The following MOB1B variants were observed in gnomAD, a reference collection of about 807,000 sequenced individuals.
The protein encoded by MOB1B is MOB1 Mps One Binder homolog B.
In MOB1B, 19 loss-of-function variants were observed where a neutral mutation model predicts 24.4. The observed-to-expected ratio is 0.78, with a 90% confidence interval of 0.54 to 1.14. The LOEUF is 1.14. Ranked by LOEUF, MOB1B falls within the 50% of genes most tolerant of loss-of-function variation. The pLI, the probability that MOB1B is intolerant of heterozygous loss-of-function variation, is 0.00. For synonymous variants in MOB1B, 76 were observed against 82.1 expected (o/e 0.93, Z 0.40); for missense variants, 243 against 259.6 (o/e 0.94, Z 0.44).
intron 1 of MOB1B, among the ~76,000 whole-genome samples, chr4:70,926,045 T>C (rs1308445665): frequency 6.6e-6 from 1 of 152,150 alleles, no homozygotes; most frequent in African/African-American, 2.4e-5. Flanking sequence ...TGGAATGCAG[T>C]GGTATCTTCT....
intron 1 of MOB1B, among the ~76,000 whole-genome samples, chr4:70,913,918 C>CT (rs59264552): frequency 0.8 from 118,084 of 147,502 alleles, 50,388 homozygotes; most frequent in Non-Finnish European, 0.95. Flanking sequence ...GGAATTTACT[C>CT]TTTTTTTTTT....
intron 1 of MOB1B, among the ~76,000 whole-genome samples, chr4:70,955,294 A>G (rs1031858441): frequency 1.3e-5 from 2 of 152,158 alleles, no homozygotes; most frequent in South Asian, 4.2e-4. Flanking sequence ...TGCTTGTCAC[A>G]TCTTCAGTTG....
intron 2 of MOB1B, among the ~76,000 whole-genome samples, chr4:70,959,787 T>C (rs1738225982): frequency 6.6e-6 from 1 of 152,234 alleles, no homozygotes; most frequent in Non-Finnish European, 1.5e-5. Flanking sequence ...GGATCAAATA[T>C]ACAGCTATAG....
intron 1 of MOB1B, among the ~76,000 whole-genome samples, chr4:70,916,643 C>T (rs2148870460): frequency 6.6e-6 from 1 of 152,250 alleles, no homozygotes; most frequent in South Asian, 2.1e-4. Flanking sequence ...TCTTAGCTCA[C>T]TGCAACCTCT....
intron 1 of MOB1B, among the ~76,000 whole-genome samples, chr4:70,917,098 A>G (rs1736225977): frequency 1.3e-5 from 2 of 152,156 alleles, no homozygotes; most frequent in African/African-American, 4.8e-5. Flanking sequence ...AAAAGGACCT[A>G]ACAAATGATG....
chr4:70,915,798 T>G (rs1202673316), intron 1 of MOB1B, among the ~76,000 whole-genome samples: 2 of 151,884 alleles, frequency 1.3e-5, no homozygotes, highest in African/African-American at 4.8e-5. Flanking sequence ...CTATTGGGGA[T>G]CGTGGAACTG....
intron 1 of MOB1B, among the ~76,000 whole-genome samples, chr4:70,907,011 G>A (rs1560625288): frequency 6.6e-6 from 1 of 152,166 alleles, no homozygotes; most frequent in East Asian, 1.9e-4. Context: ...GATAATTAAT[G>A]GAAGGTGAAC....
chr4:70,981,976 A>G lies in MOB1B; in HGVS notation c.574-4A>G, dbSNP rs756841356. The G allele has an allele frequency of 4.4e-6, 7 of 1,590,446 alleles. No homozygotes were observed. Among genetic ancestry groups the G allele is most frequent in the South Asian group, 2.2e-5 (2 of 90,290 alleles). ...TATTCTGCCTTTCTTTATATCATGC[A>G]TAGGAATTCAACCTTATTGATAGAA... On this transcript the variant is annotated splice_region_variant and splice_polypyrimidine_tract_variant and intron_variant, in intron 5 of 5. Transcript: ENST00000309395.
At chr4:70,967,423 C>T (rs547185241) in intron 2 of MOB1B, among the ~76,000 whole-genome samples, 8 of 152,236 alleles carry the variant, frequency 5.3e-5, no homozygotes, top group South Asian at 2.1e-4. Flanking sequence ...CGTGAGCCAC[C>T]GCACCCAGCC....
At chr4:70,960,868 G>A (rs1262504227) in intron 2 of MOB1B, among the ~76,000 whole-genome samples, 1 of 152,174 alleles carries the variant, frequency 6.6e-6, no homozygotes, top group Non-Finnish European at 1.5e-5. Flanking sequence ...AAGGAAGGCT[G>A]TATAGAGCTT....
At chr4:70,976,777 T>TAA (rs1739024442) in intron 4 of MOB1B, 1 of 176,934 alleles carries the variant, frequency 5.7e-6, no homozygotes, top group African/African-American at 3.5e-5. Flanking sequence ...TATATATATC[T>TAA]CTCTCTCTCA....
chr4:70,975,318 A>T (rs371271122), intron 4 of MOB1B, 32 bp downstream of exon 4: 43 of 1,605,246 alleles, frequency 2.7e-5, no homozygotes, highest in Non-Finnish European at 3.7e-5. Flanking sequence ...GGGATCCATC[A>T]TGATTTATCT....
At chr4:70,925,373 G>A (rs777618455) in intron 1 of MOB1B, among the ~76,000 whole-genome samples, 15 of 152,162 alleles carry the variant, frequency 9.9e-5, no homozygotes, top group Admixed American at 9.2e-4. Flanking sequence ...AAGTGGGAAT[G>A]TATTTGTAAG....
chr4:70,951,250 C>T (rs1036225680), intron 1 of MOB1B, among the ~76,000 whole-genome samples: 5 of 152,158 alleles, frequency 3.3e-5, no homozygotes, highest in African/African-American at 1.2e-4. Context: ...GAGCTCTGCA[C>T]CCCGCCAACC....
At chr4:70,927,668 A>T (rs9991925) in intron 1 of MOB1B, among the ~76,000 whole-genome samples, 3,101 of 152,234 alleles carry the variant, frequency 0.02, 92 homozygotes, top group African/African-American at 0.069. Context: ...TATTGTGTGG[A>T]TGCGGGGGCC....
chr4:70,932,232 T>G (rs963831012), intron 1 of MOB1B, among the ~76,000 whole-genome samples: 4 of 152,052 alleles, frequency 2.6e-5, no homozygotes, highest in Non-Finnish European at 5.9e-5. Context: ...AATTTTCAGA[T>G]TATAAGAGAA....
At chr4:70,965,348 A>G (rs930374796) in intron 2 of MOB1B, among the ~76,000 whole-genome samples, 1 of 149,810 alleles carries the variant, frequency 6.7e-6, no homozygotes, top group Non-Finnish European at 1.5e-5. Context: ...TTAAAAATTT[A>G]TAACTCCTGG....
intron 1 of MOB1B, among the ~76,000 whole-genome samples, chr4:70,904,206 A>T (rs1735647395): frequency 6.7e-6 from 1 of 149,986 alleles, no homozygotes. Flanking sequence ...CTGGTCTCGA[A>T]CTCCTGATTT....
intron 1 of MOB1B, among the ~76,000 whole-genome samples, chr4:70,918,477 A>T: frequency 6.6e-6 from 1 of 152,076 alleles, no homozygotes; most frequent in African/African-American, 2.4e-5. Flanking sequence ...TTTTGGCTGC[A>T]TAAATGTCTT....
Sources: gnomAD v4.1 joint callset for allele counts (sites outside exome capture counted in the v4.1 genomes callset) on GRCh38, gnomAD v4.1.1 for gene constraint, MANE v1.5 for transcripts, NCBI Gene and HGNC (gene_info 2026-07-23, HGNC 2026-07-21) for gene names.